The following SENP6 variants were observed in gnomAD, a reference collection of about 807,000 sequenced individuals.
SENP6 encodes the protein sentrin-specific protease 6.
SENP6 carries 41 observed loss-of-function variants against 134.5 expected under a neutral mutation model. The observed-to-expected ratio is 0.30, with a 90% CI of 0.24 to 0.40. The LOEUF is 0.40. SENP6 is among the 10% of genes least tolerant of loss of function. The pLI is 1.00. For synonymous variants in SENP6, 395 were observed against 429.8 expected, an observed-to-expected ratio of 0.92 and a Z score of 1.00; for missense variants, 1,248 against 1,312.5, an observed-to-expected ratio of 0.95 and a Z score of 0.76.
At chr6:75,681,163 G>A (rs980535711) in intron 16 of SENP6, among the ~76,000 whole-genome samples, 1 of 152,170 alleles carries the variant, frequency 6.6e-6, no homozygotes, top group Non-Finnish European at 1.5e-5. Context: ...AATCCACAAT[G>A]TTGGAAGAGG....
At chr6:75,665,304 G>C (rs1043405742) in intron 9 of SENP6, among the ~76,000 whole-genome samples, 12 of 151,234 alleles carry the variant, frequency 7.9e-5, no homozygotes, top group African/African-American at 2.9e-4. Context: ...AAAAAAAAGT[G>C]ATATTTAAAC....
At chr6:75,645,734 T>C (rs1484614905) in intron 6 of SENP6, among the ~76,000 whole-genome samples, 1 of 152,186 alleles carries the variant, frequency 6.6e-6, no homozygotes, top group Non-Finnish European at 1.5e-5. Context: ...AACATTTTTA[T>C]CTTGAAATGT....
Position 75,715,407 on chromosome 6 carries a change from T to A in SENP6, c.3152T>A (p.Leu1051Gln). The A allele has an allele frequency of 6.2e-7, 1 of 1,611,238 alleles. No individual in the cohort carries two copies. Among genetic ancestry groups the A allele is most frequent in the Non-Finnish European group, 8.5e-7 (1 of 1,178,432 alleles). Residue 1051 changes from leucine to glutamine, a missense_variant, in exon 24 of 24, where the codon CTA becomes CAA. By Grantham distance (113) the Leu-to-Gln change is moderately radical. Transcript: ENST00000447266. ...CAGAATCCAATTCTCAGTTTTGAAC[T>A]ACCTATGAATTTGGCAAACTGGTTT... ...FFENPILSFE[L>Q]PMNLANWFPP...
chr6:75,691,936 A>C (rs1774304780), intron 16 of SENP6, among the ~76,000 whole-genome samples: 1 of 151,666 alleles, frequency 6.6e-6, no homozygotes, highest in Non-Finnish European at 1.5e-5. Context: ...GGCTTACTGC[A>C]ACATCCGCCT....
At chr6:75,623,770 G>A (rs655471) in intron 2 of SENP6, 130 bp from the exon 3 acceptor site, 644,646 of 651,866 alleles carry the variant, frequency 0.99, 319,130 homozygotes, top group East Asian at 1. Flanking sequence ...TGCAAAGACT[G>A]TGGTTTGGCC....
chr6:75,683,752 G>A (rs1038978607), intron 16 of SENP6, among the ~76,000 whole-genome samples: 2 of 152,086 alleles, frequency 1.3e-5, no homozygotes, highest in African/African-American at 2.4e-5. Context: ...TTCCATTGGT[G>A]TATATCTCTG....
chr6:75,645,667 A>G (rs980436486), intron 6 of SENP6, among the ~76,000 whole-genome samples: 18 of 152,298 alleles, frequency 1.2e-4, no homozygotes, highest in Non-Finnish European at 2.2e-4. Flanking sequence ...ATCATCTAGC[A>G]AAAAGGTTTT....
Position 75,715,545 on chromosome 6 carries a change from C to T in SENP6, c.3290C>T (p.Ala1097Val). 1.2e-6 allele frequency: 2 copies of T among 1,613,222 alleles called. No individual in the cohort carries two copies. The highest frequency in any genetic ancestry group is 1.3e-5 in the African/African-American group (1 of 74,992). The change falls in exon 24 of 24, where the codon GCA becomes GTA. Residue 1097 changes from alanine (A) to valine (V), a missense_variant. Ala to Val is a moderately conservative substitution (Grantham distance 64). This residue lies in a region of SENP6 where 386 missense variants were observed against 395.0 expected (regional missense o/e 0.98). Transcript: ENST00000447266. The part of the protein sequence containing the change: ...RKHKDTYSTE[A>V]PLGEGTEQYV... ...CATAAGGACACTTACTCAACAGAAG[C>T]ACCTTTAGGCGAAGGAACAGAACAA...
At chr6:75,694,845 A>T (rs568269452) in intron 16 of SENP6, among the ~76,000 whole-genome samples, 2 of 151,920 alleles carry the variant, frequency 1.3e-5, no homozygotes, top group South Asian at 4.2e-4. Flanking sequence ...TCTACTCTAG[A>T]TTTAGAGTGT....
chr6:75,707,537 T>C (rs1215200529), intron 19 of SENP6, among the ~76,000 whole-genome samples: 2 of 151,736 alleles, frequency 1.3e-5, no homozygotes, highest in Non-Finnish European at 2.9e-5. Flanking sequence ...AAAATTTATT[T>C]TCTGTAGAGA....
Position 75,602,709 on chromosome 6 carries a change from C to CG in SENP6, c.52+137dup, listed in dbSNP as rs1374386450. On this transcript the variant is annotated intron_variant, in intron 1 of 23. Coordinates refer to ENST00000447266, the MANE Select transcript of SENP6 (RefSeq NM_015571.4). ...GTGAAGTACGAGGGATGAGCGATGA[C>CG]GGGGAGGGAGTGTGCTGCGAGCGCA... The CG allele has an allele frequency of 5.4e-5, 50 of 931,676 alleles. 1 individual carries two copies. Among genetic ancestry groups the CG allele is most frequent in the Non-Finnish European group, 3.3e-6 (2 of 615,284 alleles). 57.7% of individuals were successfully genotyped at this position (931,676 alleles called of 1,614,324 possible).
At chr6:75,603,226 T>G (rs956430337) in intron 1 of SENP6, among the ~76,000 whole-genome samples, 4 of 152,206 alleles carry the variant, frequency 2.6e-5, no homozygotes, top group African/African-American at 9.6e-5. Flanking sequence ...TACTCACTCG[T>G]GAGGGAAAGT....
intron 16 of SENP6, among the ~76,000 whole-genome samples, chr6:75,694,836 C>T (rs923318635): frequency 5.9e-5 from 9 of 151,930 alleles, no homozygotes; most frequent in South Asian, 4.1e-4. Context: ...GACATATGCT[C>T]TACTCTAGAT....
At position 75,711,192 on chromosome 6, in the gene SENP6, AGT is replaced by A. The variant is rs368932775; in HGVS notation, c.2821-133_2821-132del. ...GAATTAAGTAACATACCACATCTCT[AGT>A]GTCTAATCACCTAAATAGAGAAAAA... On this transcript the variant is annotated intron_variant, in intron 20 of 23. Coordinates refer to ENST00000447266, the MANE Select transcript of SENP6 (RefSeq NM_015571.4). The A allele has an allele frequency of 1.4e-3, 799 of 561,166 alleles. 4 individuals carry two copies. The highest frequency in any genetic ancestry group is 0.014 in the African/African-American group (729 of 52,994). 34.8% of individuals were successfully genotyped at this position (561,166 alleles called of 1,614,324 possible). A position where few individuals can be genotyped will look rare whatever the true frequency, so the allele number is the denominator to read the frequency against.
chr6:75,714,900 T>C (rs1418362032), intron 23 of SENP6, among the ~76,000 whole-genome samples: 4 of 152,224 alleles, frequency 2.6e-5, no homozygotes, highest in South Asian at 2.1e-4. Context: ...ACCCCAGATA[T>C]GTATTTTCAC....
At chr6:75,704,775 G>A (rs149458677) in intron 19 of SENP6, among the ~76,000 whole-genome samples, 137 of 152,286 alleles carry the variant, frequency 9.0e-4, no homozygotes, top group African/African-American at 2.7e-3. Flanking sequence ...AGGTCCCTGC[G>A]GCTTTCTGCA....
At chr6:75,688,530 C>T (rs949321977) in intron 16 of SENP6, among the ~76,000 whole-genome samples, 5 of 152,060 alleles carry the variant, frequency 3.3e-5, no homozygotes, top group Non-Finnish European at 7.4e-5. Flanking sequence ...ATCTTGGAAC[C>T]GCCACCCCAC....
At chr6:75,647,041 C>G (rs1257543893) in intron 6 of SENP6, among the ~76,000 whole-genome samples, 3 of 152,032 alleles carry the variant, frequency 2.0e-5, no homozygotes, top group African/African-American at 7.2e-5. Flanking sequence ...TACTAGATCA[C>G]CAGTGTGAAT....
At chr6:75,635,599 T>C (rs769087630) in intron 5 of SENP6, among the ~76,000 whole-genome samples, 1 of 152,162 alleles carries the variant, frequency 6.6e-6, no homozygotes, top group Non-Finnish European at 1.5e-5. Context: ...AGTAACCTCA[T>C]ACTTTATGAT....
Sources: allele counts gnomAD v4.1 joint callset (sites outside exome capture counted in the v4.1 genomes callset), GRCh38; gene constraint gnomAD v4.1.1; regional missense constraint gnomAD v4.1.1; transcripts MANE v1.5; gene names NCBI Gene and HGNC (gene_info 2026-07-23, HGNC 2026-07-21).